SLC16A7: variants seen among roughly 807,000 people sequenced by gnomAD.
SLC16A7 encodes the protein monocarboxylate transporter 2.
Under a neutral mutation model 34.9 loss-of-function variants are expected in SLC16A7, and 33 were observed. The observed-to-expected ratio is 0.94, with a 90% CI of 0.72 to 1.26. The LOEUF is 1.26. Ranked by LOEUF, SLC16A7 falls within the 50% of genes most tolerant of loss-of-function variation. The probability of loss-of-function intolerance (pLI) is 0.00; values close to 1 mark genes in which losing one functional copy is unlikely to be tolerated. For synonymous variants in SLC16A7, 201 were observed against 206.6 expected, an observed-to-expected ratio of 0.97 and a Z score of 0.23; for missense variants, 573 against 578.1, an observed-to-expected ratio of 0.99 and a Z score of 0.09.
chr12:59,685,404 T>A (rs1388374022), intron 2 of SLC16A7, among the ~76,000 whole-genome samples: 1 of 152,186 alleles, frequency 6.6e-6, no homozygotes, highest in Admixed American at 6.5e-5. Context: ...CTTACATTAA[T>A]GGGTTTTTTT....
intron 1 of SLC16A7, among the ~76,000 whole-genome samples, chr12:59,639,232 A>C (rs547038116): frequency 2.6e-5 from 4 of 152,100 alleles, no homozygotes; most frequent in African/African-American, 9.7e-5. Flanking sequence ...TCTCCTTACA[A>C]TGTTTTTACA....
intron 2 of SLC16A7, among the ~76,000 whole-genome samples, chr12:59,699,474 C>T (rs1289864071): frequency 6.6e-6 from 1 of 151,630 alleles, no homozygotes; most frequent in Non-Finnish European, 1.5e-5. Flanking sequence ...AAGGAGAACT[C>T]TTATGCACTG....
chr12:59,618,295 A>G (rs188616045), intron 1 of SLC16A7, among the ~76,000 whole-genome samples: 9 of 152,114 alleles, frequency 5.9e-5, no homozygotes, highest in Admixed American at 5.9e-4. Flanking sequence ...ACATTTGTTA[A>G]ACCACATGGC....
chr12:59,706,241 G>A (rs546183609), intron 3 of SLC16A7, among the ~76,000 whole-genome samples: 2 of 152,178 alleles, frequency 1.3e-5, no homozygotes, highest in African/African-American at 4.8e-5. Flanking sequence ...TTCTACTTCA[G>A]CTCAGTGGCT....
intron 2 of SLC16A7, among the ~76,000 whole-genome samples, chr12:59,656,193 A>G (rs1242026769): frequency 6.6e-6 from 1 of 151,938 alleles, no homozygotes. Context: ...TTCATGAACA[A>G]ATCTTGGTAT....
chr12:59,653,562 CA>C (rs1224567898), intron 1 of SLC16A7, among the ~76,000 whole-genome samples: 1 of 151,058 alleles, frequency 6.6e-6, no homozygotes, highest in Non-Finnish European at 1.5e-5. Context: ...ATAATAATAC[CA>C]GTAATTTTGT....
chr12:59,667,923 A>G (rs10877326), intron 2 of SLC16A7, among the ~76,000 whole-genome samples: 19,907 of 152,226 alleles, frequency 0.13, 2,032 homozygotes, highest in East Asian at 0.59. Context: ...GGGCCAAGGT[A>G]TAGCTATATA....
At chr12:59,625,985 G>A (rs1592405519) in intron 1 of SLC16A7, among the ~76,000 whole-genome samples, 1 of 151,736 alleles carries the variant, frequency 6.6e-6, no homozygotes, top group African/African-American at 2.4e-5. Context: ...GAGTTATATT[G>A]TGTGTAACAT....
chr12:59,788,844 A>G lies in SLC16A7; in HGVS notation c.*9165A>G, dbSNP rs943329629. 1 of 152,234 alleles carries G rather than the reference A, an allele frequency of 6.6e-6. No individual in the cohort carries two copies. Among genetic ancestry groups the G allele is most frequent in the African/African-American group, 2.4e-5 (1 of 41,588 alleles). 9.4% of individuals were successfully genotyped at this position (152,234 alleles called of 1,614,324 possible). On this transcript the variant is annotated 3_prime_UTR_variant, in exon 6 of 6. Coordinates refer to ENST00000547379, the MANE Select transcript of SLC16A7 (RefSeq NM_001270623.2). ...AAAATAACTTAGATTTATTTAAATC[A>G]GGAATATTTTACGTTGTTGATCATT...
At chr12:59,684,298 C>A (rs561096264) in intron 2 of SLC16A7, among the ~76,000 whole-genome samples, 1 of 152,174 alleles carries the variant, frequency 6.6e-6, no homozygotes, top group African/African-American at 2.4e-5. Context: ...AGACAAAAGA[C>A]TTCATTAAAA....
chr12:59,676,992 A>T (rs1447887703), intron 2 of SLC16A7, among the ~76,000 whole-genome samples: 6 of 152,126 alleles, frequency 3.9e-5, no homozygotes, highest in Non-Finnish European at 7.4e-5. Flanking sequence ...TTTCATCTGC[A>T]CCCTGTTCCA....
intron 3 of SLC16A7, among the ~76,000 whole-genome samples, chr12:59,768,671 C>G (rs1252369689): frequency 1.3e-5 from 2 of 152,026 alleles, no homozygotes; most frequent in Non-Finnish European, 1.5e-5. Context: ...AAGGAAGAAT[C>G]AACTGATGCA....
intron 2 of SLC16A7, among the ~76,000 whole-genome samples, chr12:59,675,291 G>A (rs1870217045): frequency 6.6e-6 from 1 of 152,184 alleles, no homozygotes; most frequent in Non-Finnish European, 1.5e-5. Context: ...ATTTGGAGAT[G>A]GTGCCTTTGG....
intron 1 of SLC16A7, among the ~76,000 whole-genome samples, chr12:59,604,337 A>G (rs1047926536): frequency 6.6e-6 from 1 of 152,226 alleles, no homozygotes. Context: ...AGTTTAATAA[A>G]TAAATAAATG....
chr12:59,765,497 A>T (rs967441612), intron 3 of SLC16A7, among the ~76,000 whole-genome samples: 1 of 152,152 alleles, frequency 6.6e-6, no homozygotes, highest in African/African-American at 2.4e-5. Flanking sequence ...TATATCTTGA[A>T]TTAATTTTTG....
intron 3 of SLC16A7, among the ~76,000 whole-genome samples, chr12:59,723,259 TGTG>T (rs756700981): frequency 6.6e-6 from 1 of 151,916 alleles, no homozygotes; most frequent in Non-Finnish European, 1.5e-5. Flanking sequence ...CACTCAATAA[TGTG>T]GTGATTTTTC....
At chr12:59,680,333 T>C (rs912487417) in intron 2 of SLC16A7, among the ~76,000 whole-genome samples, 1 of 152,188 alleles carries the variant, frequency 6.6e-6, no homozygotes, top group African/African-American at 2.4e-5. Context: ...TTTCAAGATA[T>C]TATTTAACCA....
chr12:59,786,726 A>G lies in SLC16A7; in HGVS notation c.*7047A>G, dbSNP rs1257893915. ...CTAGACTGGATTAAGGATTTTGCCT[A>G]AACCTATACCAATACTCTGAATAAA... On this transcript the variant is annotated 3_prime_UTR_variant, in exon 6 of 6. Transcript: ENST00000547379. The G allele has an allele frequency of 2.0e-5, 3 of 152,158 alleles. No individual in the cohort carries two copies. Among genetic ancestry groups the G allele is most frequent in the Non-Finnish European group, 4.4e-5 (3 of 68,006 alleles). 9.4% of individuals were successfully genotyped at this position (152,158 alleles called of 1,614,324 possible).
At chr12:59,732,505 C>T (rs1877073562) in intron 3 of SLC16A7, among the ~76,000 whole-genome samples, 1 of 152,168 alleles carries the variant, frequency 6.6e-6, no homozygotes, top group South Asian at 2.1e-4. Context: ...AGGAAATATG[C>T]CAAAGTAGGT....
Sources: gnomAD v4.1 joint callset for allele counts (sites outside exome capture counted in the v4.1 genomes callset) on GRCh38, gnomAD v4.1.1 for gene constraint, MANE v1.5 for transcripts, NCBI Gene and HGNC (gene_info 2026-07-23, HGNC 2026-07-21) for gene names.